OR9G4: variants seen among roughly 807,000 people sequenced by gnomAD.
OR9G4 encodes olfactory receptor family 9 subfamily G member 4.
OR9G4 carries 19 observed loss-of-function variants against 16.7 expected under a neutral mutation model. The observed-to-expected ratio is 1.14, with a 90% confidence interval of 0.79 to 1.67. The LOEUF is 1.67. Ranked by LOEUF, OR9G4 falls within the 40% of genes most tolerant of loss-of-function variation. The pLI, the probability that OR9G4 is intolerant of heterozygous loss-of-function variation, is 0.00. For synonymous variants in OR9G4, 182 were observed against 146.2 expected, an observed-to-expected ratio of 1.24 and a Z score of -1.76; for missense variants, 428 against 370.4, an observed-to-expected ratio of 1.16 and a Z score of -1.28.
Position 56,746,069 on chromosome 11 carries a change from G to A in OR9G4, c.-22-2281C>T, listed in dbSNP as rs559170665. ...AGCACTTTGGGAGGCCGAGGCGGGC[G>A]GATCACAAGGTCAGGAGATCGAGAC... On this transcript the variant is annotated intron_variant, in intron 1 of 1. Coordinates refer to ENST00000641668, the MANE Select transcript of OR9G4 (RefSeq NM_001005284.2). Among the ~76,000 whole-genome samples, 5 of 151,880 alleles carry A rather than the reference G, an allele frequency of 3.3e-5. No individual in the cohort carries two copies. In the East Asian group the frequency reaches 5.8e-4, roughly 18 times the overall value.
Position 56,743,250 on chromosome 11 carries a change from T to C in OR9G4, c.517A>G (p.Ile173Val). 1 of 1,614,128 alleles carries C rather than the reference T, an allele frequency of 6.2e-7. No individual in the cohort carries two copies. The highest frequency in any genetic ancestry group is 8.5e-7 in the Non-Finnish European group (1 of 1,179,982). The stretch of plus-strand genomic sequence containing the variant: ...GCATCACAGAAAAAGTGGTCAATGA[T>C]ATTTTTACCACAAAAATGCAGGCGG... ...TFRLHFCGKN[I>V]IDHFFCDAPP... The change falls in exon 2 of 2, where the codon ATC becomes GTC. Residue 173 changes from isoleucine (I) to valine (V), a missense_variant. By Grantham distance (29) the Ile-to-Val change is conservative. Transcript: ENST00000641668.
chr11:56,743,473 C>T lies in OR9G4; in HGVS notation c.294G>A (p.Gly98=). The T allele has an allele frequency of 3.7e-6, 6 of 1,614,100 alleles. No individual in the cohort carries two copies. Among genetic ancestry groups the T allele is most frequent in the Middle Eastern group, 1.6e-4 (1 of 6,062 alleles). The part of the protein sequence containing the change: ...EDKRISLAGC[G]AQLFFSCVVA... ...CAACACAGGAAAAAAACAGCTGAGC[C>T]CCACATCCAGCCAAGGAAATGCGCT... The change falls in exon 2 of 2, where the codon GGG becomes GGA. Residue 98 remains glycine, a synonymous_variant. Coordinates refer to ENST00000641668, the MANE Select transcript of OR9G4 (RefSeq NM_001005284.2).
chr11:56,743,605 G>T lies in OR9G4; in HGVS notation c.162C>A (p.His54Gln). The T allele has an allele frequency of 6.2e-7, 1 of 1,614,130 alleles. No individual in the cohort carries two copies. Residue 54 changes from histidine (H) to glutamine (Q), a missense_variant, in exon 2 of 2, where the codon CAC (histidine) becomes CAA (glutamine). Physicochemically the swap from His to Gln is conservative, Grantham distance 24 (BLOSUM62 0). Transcript: ENST00000641668. ...TGAAAAAGTACATAGGTGTATGCAA[G>T]TGGGAATCAGTTCGGATTAAGATAA... The part of the protein sequence containing the change: ...TLVILIRTDS[H>Q]LHTPMYFFIG...
At chr11:56,745,841 T>C (rs1858400148) in intron 1 of OR9G4, among the ~76,000 whole-genome samples, 1 of 151,298 alleles carries the variant, frequency 6.6e-6, no homozygotes, top group Non-Finnish European at 1.5e-5. Flanking sequence ...TGCAATACAG[T>C]GTGGCAGAGC....
In OR9G4 at chr11:56,743,609, G is replaced by C; in HGVS notation, c.158C>G (p.Ser53Cys). The change falls in exon 2 of 2, where the codon TCC becomes TGC. Residue 53 changes from serine to cysteine, a missense_variant. By Grantham distance (112) the Ser-to-Cys change is moderately radical. Transcript: ENST00000641668. Reference sequence around the variant, plus strand: ...AAAGTACATAGGTGTATGCAAGTGGGAATCAGTTCGGATTAAGATAACCAA... The same window carrying C: ...AAAGTACATAGGTGTATGCAAGTGGCAATCAGTTCGGATTAAGATAACCAA... Reference protein sequence around the residue: ...MTLVILIRTDSHLHTPMYFFI... With the variant: ...MTLVILIRTDCHLHTPMYFFI... The C allele has an allele frequency of 6.2e-7, 1 of 1,614,044 alleles. No homozygotes were observed. Among genetic ancestry groups the C allele is most frequent in the East Asian group, 2.2e-5 (1 of 44,880 alleles).
intron 1 of OR9G4, among the ~76,000 whole-genome samples, chr11:56,745,777 A>AT (rs1858399286): frequency 5.9e-5 from 2 of 33,896 alleles, no homozygotes; most frequent in Non-Finnish European, 1.6e-4. Context: ...GTCTCAAAAC[A>AT]AAAAAAAAAA....
At chr11:56,747,122 C>G (rs528080603) in intron 1 of OR9G4, among the ~76,000 whole-genome samples, 4 of 152,084 alleles carry the variant, frequency 2.6e-5, no homozygotes, top group African/African-American at 7.2e-5. Flanking sequence ...TCCTTCTGCC[C>G]TAGCCTCAAT....
At chr11:56,744,595 A>G (rs1386382297) in intron 1 of OR9G4, among the ~76,000 whole-genome samples, 1 of 152,190 alleles carries the variant, frequency 6.6e-6, no homozygotes. Context: ...TAAGTCTTAT[A>G]CCTAACCCCT....
At position 56,743,148 on chromosome 11, in the gene OR9G4, C is replaced by G. The variant is rs760564052; in HGVS notation, c.619G>C (p.Val207Leu). 7.7e-5 allele frequency: 124 copies of G among 1,613,930 alleles called. No individual in the cohort carries two copies. Among genetic ancestry groups the G allele is most frequent in the Non-Finnish European group, 2.0e-5 (24 of 1,179,942 alleles). Residue 207 changes from valine (V) to leucine (L), a missense_variant, in exon 2 of 2, where the codon GTA becomes CTA. Transcript: ENST00000641668. ...AGGATAGCAAGAATGCTGGAGAGTA[C>G]TGTGAAGCCCACCACACCAAGCAGG... ...KVLLGVVGFT[V>L]LSSILAILIS...
In OR9G4 at chr11:56,743,616, T is replaced by C. The variant is rs546693122; in HGVS notation, c.151A>G (p.Thr51Ala). Residue 51 changes from threonine to alanine, a missense_variant, in exon 2 of 2, where the codon ACT (threonine) becomes GCT (alanine). Thr to Ala is a moderately conservative substitution (Grantham distance 58). Transcript: ENST00000641668. ...GNMTLVILIR[T>A]DSHLHTPMYF... The stretch of plus-strand genomic sequence containing the variant: ...ATAGGTGTATGCAAGTGGGAATCAG[T>C]TCGGATTAAGATAACCAAGGTCATG... The C allele has an allele frequency of 5.0e-6, 8 of 1,613,888 alleles. No homozygotes were observed. Among genetic ancestry groups the C allele is most frequent in the Non-Finnish European group, 6.8e-6 (8 of 1,179,970 alleles).
Position 56,742,855 on chromosome 11 carries a change from T to C in OR9G4, c.912A>G (p.Ala304=), listed in dbSNP as rs1346848184. Residue 304 remains alanine (A), a synonymous_variant, in exon 2 of 2, where the codon GCA becomes GCG. Transcript: ENST00000641668. ...NKDIKEAFRK[A]TQTIQPQT is the part of the protein sequence containing the mutation. ...ATGTTTGTGGTTGTATAGTCTGTGT[T>C]GCTTTCCTGAAGGCCTCTTTGATAT... 6.2e-7 allele frequency: 1 copy of C among 1,614,000 alleles called. No homozygotes were observed. The highest frequency in any genetic ancestry group is 1.3e-5 in the African/African-American group (1 of 75,068).
At position 56,743,103 on chromosome 11, in the gene OR9G4, G is replaced by A. The variant is rs142738268; in HGVS notation, c.664C>T (p.Leu222Phe). The A allele has an allele frequency of 5.7e-5, 92 of 1,614,202 alleles. No individual in the cohort carries two copies. The highest frequency in any genetic ancestry group is 7.5e-5 in the Non-Finnish European group (88 of 1,180,018). ...GAGTGGATTCTCAGGATAGCCAGGA[G>A]GATGTTGACATAGGAAATCAGGATA... is the stretch of plus-strand genomic sequence containing the variant. The part of the protein sequence containing the change: ...LAILISYVNI[L>F]LAILRIHSAS... The change falls in exon 2 of 2, where the codon CTC (leucine) becomes TTC (phenylalanine). Residue 222 changes from leucine to phenylalanine, a missense_variant. Coordinates refer to ENST00000641668, the MANE Select transcript of OR9G4 (RefSeq NM_001005284.2).
intron 1 of OR9G4, among the ~76,000 whole-genome samples, chr11:56,745,325 G>T (rs1242063656): frequency 6.6e-6 from 1 of 152,166 alleles, no homozygotes; most frequent in Non-Finnish European, 1.5e-5. Flanking sequence ...GTTTAGGATT[G>T]TGGGGTCCAA....
Position 56,742,654 on chromosome 11 carries a change from T to C in OR9G4, c.*174A>G. On this transcript the variant is annotated 3_prime_UTR_variant, in exon 2 of 2. Transcript: ENST00000641668. ...ACCCAATATTATAAGTTTTAAATAT[T>C]ACTTTGTTTTGTTTACATCATAACA... is the stretch of plus-strand genomic sequence containing the variant. 1 of 610,220 alleles carries C rather than the reference T, an allele frequency of 1.6e-6. No homozygotes were observed. Among genetic ancestry groups the C allele is most frequent in the Non-Finnish European group, 2.8e-6 (1 of 352,968 alleles). The allele number at this position is 610,220 out of a possible 1,614,324, so 37.8% of individuals were successfully genotyped here. A position where few individuals can be genotyped will look rare whatever the true frequency, so the allele number is the denominator to read the frequency against.
At position 56,741,234 on chromosome 11, in the gene OR9G4, T is replaced by A. The variant is rs1247963118; in HGVS notation, c.*1594A>T. On this transcript the variant is annotated 3_prime_UTR_variant, in exon 2 of 2. Coordinates refer to ENST00000641668, the MANE Select transcript of OR9G4 (RefSeq NM_001005284.2). ...ACAAGAAAAATTGTGTTTCTTTGTG[T>A]TTCGTTTGTTTGTTATGATTTTGAG... is the stretch of plus-strand genomic sequence containing the variant. 1 of 339,100 alleles carries A rather than the reference T, an allele frequency of 2.9e-6. No individual in the cohort carries two copies. Among genetic ancestry groups the A allele is most frequent in the Non-Finnish European group, 5.6e-6 (1 of 178,078 alleles). 21.0% of individuals were successfully genotyped at this position (339,100 alleles called of 1,614,324 possible). A position where few individuals can be genotyped will look rare whatever the true frequency, so the allele number is the denominator to read the frequency against.
At chr11:56,745,733 T>C (rs1209663529) in intron 1 of OR9G4, among the ~76,000 whole-genome samples, 4 of 150,286 alleles carry the variant, frequency 2.7e-5, no homozygotes, top group African/African-American at 9.8e-5. Context: ...GATTGCACCA[T>C]TGCACTCCAG....
In OR9G4 at chr11:56,743,174, AC is replaced by A; in HGVS notation, c.592del (p.Val198SerfsTer18). ...SCTNTRVYEK[V>X]LLGVVGFTVL... ...TGTGAAGCCCACCACACCAAGCAGGACTTTTTCGTAGACCCTGGTGTTTGTA... is the reference window on the plus strand; with the variant it reads ...TGTGAAGCCCACCACACCAAGCAGGATTTTTCGTAGACCCTGGTGTTTGTA... On this transcript the variant is annotated frameshift_variant, in exon 2 of 2. Transcript: ENST00000641668. LOFTEE classifies it high-confidence loss of function. 3.7e-6 allele frequency: 6 copies of A among 1,614,170 alleles called. No individual in the cohort carries two copies. The highest frequency in any genetic ancestry group is 5.1e-6 in the Non-Finnish European group (6 of 1,180,018).
intron 1 of OR9G4, among the ~76,000 whole-genome samples, chr11:56,746,184 T>C (rs917125438): frequency 6.7e-6 from 1 of 148,182 alleles, no homozygotes; most frequent in Non-Finnish European, 1.5e-5. Flanking sequence ...TCCCAGCTAC[T>C]TGGGAGGCTG....
chr11:56,745,496 C>T (rs1358397549), intron 1 of OR9G4, among the ~76,000 whole-genome samples: 1 of 152,046 alleles, frequency 6.6e-6, no homozygotes, highest in Non-Finnish European at 1.5e-5. Flanking sequence ...GAAATTGTTA[C>T]GTGCCAGGTG....
Sources: allele counts gnomAD v4.1 joint callset (sites outside exome capture counted in the v4.1 genomes callset), GRCh38; gene constraint gnomAD v4.1.1; transcripts MANE v1.5; gene names NCBI Gene and HGNC (gene_info 2026-07-23, HGNC 2026-07-21).